Variants in OPCML observed in about 807,000 individuals in gnomAD.
OPCML encodes opioid binding protein/cell adhesion molecule like.
Under a neutral mutation model 37.8 loss-of-function variants are expected in OPCML, and 13 were observed. The observed-to-expected ratio is 0.34, with a 90% CI of 0.22 to 0.55. OPCML has a LOEUF of 0.55. OPCML is among the 20% of genes least tolerant of loss of function. The pLI, the probability that OPCML is intolerant of heterozygous loss-of-function variation, is 0.91. For synonymous variants in OPCML, 176 were observed against 168.8 expected (o/e 1.04, Z -0.33); for missense variants, 341 against 435.6 (o/e 0.78, Z 1.93).
chr11:133,179,269 A>G (rs186189697), intron 1 of OPCML, among the ~76,000 whole-genome samples: 46 of 152,304 alleles, frequency 3.0e-4, no homozygotes, highest in African/African-American at 9.6e-4. Flanking sequence ...AATAAAGGAG[A>G]AGATGGTAGA....
chr11:132,849,684 C>T (rs1457573091), intron 2 of OPCML, among the ~76,000 whole-genome samples: 2 of 152,156 alleles, frequency 1.3e-5, no homozygotes, highest in Non-Finnish European at 2.9e-5. Flanking sequence ...GAACAGTGCT[C>T]TCAGCAGAGG....
intron 1 of OPCML, among the ~76,000 whole-genome samples, chr11:133,247,855 C>G (rs899524707): frequency 2.0e-5 from 3 of 152,092 alleles, no homozygotes; most frequent in Non-Finnish European, 4.4e-5. Context: ...GGTGATCACC[C>G]GCTTTGGTCT....
At chr11:132,447,548 A>C (rs1334630386) in intron 4 of OPCML, among the ~76,000 whole-genome samples, 1 of 151,662 alleles carries the variant, frequency 6.6e-6, no homozygotes, top group Non-Finnish European at 1.5e-5. Flanking sequence ...GAGCTCAGTC[A>C]ATCCACCTGC....
intron 1 of OPCML, among the ~76,000 whole-genome samples, chr11:133,347,149 T>C (rs1944021426): frequency 1.3e-5 from 2 of 152,266 alleles, no homozygotes; most frequent in Non-Finnish European, 2.9e-5. Context: ...TTTCATTTGC[T>C]CTTCAAAACT....
intron 1 of OPCML, among the ~76,000 whole-genome samples, chr11:133,504,545 T>C (rs1233487493): frequency 6.6e-6 from 1 of 152,098 alleles, no homozygotes; most frequent in Non-Finnish European, 1.5e-5. Context: ...TAACAGACTT[T>C]TGTGAGTGCT....
At chr11:133,335,205 A>T (rs1019705152) in intron 1 of OPCML, among the ~76,000 whole-genome samples, 1 of 152,180 alleles carries the variant, frequency 6.6e-6, no homozygotes, top group African/African-American at 2.4e-5. Context: ...ATCTTTCATG[A>T]TGGGCAAGGC....
At chr11:133,339,199 G>A (rs11223440) in intron 1 of OPCML, among the ~76,000 whole-genome samples, 7,904 of 152,258 alleles carry the variant, frequency 0.052, 274 homozygotes, top group Middle Eastern at 0.082. Flanking sequence ...TGACTATTGA[G>A]TTCTTTAATA....
At chr11:132,422,460 C>T (rs567769620) in intron 7 of OPCML, among the ~76,000 whole-genome samples, 53 of 152,210 alleles carry the variant, frequency 3.5e-4, no homozygotes, top group South Asian at 1.0e-3. Flanking sequence ...TGGAGGTTTA[C>T]AGTCATATTC....
intron 1 of OPCML, among the ~76,000 whole-genome samples, chr11:133,231,629 A>G (rs12418625): frequency 0.43 from 65,408 of 151,950 alleles, 14,745 homozygotes; most frequent in East Asian, 0.64. Context: ...GTTGATGAAC[A>G]CAAGCAGTAA....
At chr11:132,756,430 G>T (rs556144069) in intron 2 of OPCML, among the ~76,000 whole-genome samples, 2 of 152,138 alleles carry the variant, frequency 1.3e-5, no homozygotes, top group African/African-American at 2.4e-5. Context: ...ATTATCAGGC[G>T]TACATTTCCT....
chr11:132,972,949 T>A (rs980897000), intron 1 of OPCML, among the ~76,000 whole-genome samples: 6 of 152,190 alleles, frequency 3.9e-5, no homozygotes, highest in African/African-American at 1.4e-4. Flanking sequence ...GAACTCCATG[T>A]TAGGAAGCCT....
intron 1 of OPCML, chr11:133,024,507 T>C: frequency 1.0e-6 from 1 of 985,384 alleles, no homozygotes; most frequent in Non-Finnish European, 1.2e-6. Flanking sequence ...ATGTAGAGTT[T>C]AAGAAACGCT....
intron 2 of OPCML, among the ~76,000 whole-genome samples, chr11:132,819,965 G>T (rs1939877856): frequency 6.6e-6 from 1 of 152,182 alleles, no homozygotes; most frequent in East Asian, 1.9e-4. Context: ...GGCTCTGAAT[G>T]CTTCTATTCC....
intron 3 of OPCML, among the ~76,000 whole-genome samples, chr11:132,535,937 G>A (rs891992855): frequency 2.0e-5 from 3 of 152,134 alleles, no homozygotes; most frequent in Non-Finnish European, 4.4e-5. Flanking sequence ...GAACTCCCAC[G>A]TTGTCAAGAA....
intron 2 of OPCML, among the ~76,000 whole-genome samples, chr11:132,770,547 G>A (rs1307048010): frequency 6.6e-6 from 1 of 152,112 alleles, no homozygotes; most frequent in Non-Finnish European, 1.5e-5. Flanking sequence ...AGCCTTTCAT[G>A]GGAGAACTAA....
chr11:132,806,495 T>A (rs61906875), intron 2 of OPCML, among the ~76,000 whole-genome samples: 33,901 of 152,072 alleles, frequency 0.22, 4,782 homozygotes, highest in Non-Finnish European at 0.33. Flanking sequence ...CAGGAAAAAG[T>A]ATATTACAAG....
chr11:132,652,745 C>G (rs1941493934), intron 3 of OPCML, among the ~76,000 whole-genome samples: 1 of 152,116 alleles, frequency 6.6e-6, no homozygotes, highest in Admixed American at 6.5e-5. Flanking sequence ...CATCGAGGAC[C>G]CTCTCCCCTC....
At chr11:133,417,455 C>G (rs902985398) in intron 1 of OPCML, among the ~76,000 whole-genome samples, 3 of 149,682 alleles carry the variant, frequency 2.0e-5, no homozygotes, top group African/African-American at 7.5e-5. Flanking sequence ...TCACTAGCAC[C>G]TGGATTCTTT....
At chr11:133,518,864 G>A (rs906835854) in intron 1 of OPCML, among the ~76,000 whole-genome samples, 6 of 152,038 alleles carry the variant, frequency 3.9e-5, no homozygotes, top group Non-Finnish European at 5.9e-5. Flanking sequence ...ATGCAGAGAT[G>A]CCCTGTGCCC....
Sources: allele counts gnomAD v4.1 joint callset (sites outside exome capture counted in the v4.1 genomes callset), GRCh38; gene constraint gnomAD v4.1.1; transcripts MANE v1.5; gene names NCBI Gene and HGNC (gene_info 2026-07-23, HGNC 2026-07-21).